DUSP11: variants seen among roughly 807,000 people sequenced by gnomAD.
The protein encoded by DUSP11 is RNA/RNP complex-1-interacting phosphatase.
In DUSP11, 27 loss-of-function variants were observed where a neutral mutation model predicts 41.4. The observed-to-expected ratio is 0.65, with a 90% CI of 0.48 to 0.90. The LOEUF is 0.90. Among genes scored for constraint, DUSP11 ranks in the 40% least tolerant of loss-of-function variants. The probability of loss-of-function intolerance (pLI) is 0.00; values close to 1 mark genes in which losing one functional copy is unlikely to be tolerated. For synonymous variants in DUSP11, 188 were observed against 159.3 expected, an observed-to-expected ratio of 1.18 and a Z score of -1.35; for missense variants, 465 against 461.1, an observed-to-expected ratio of 1.01 and a Z score of -0.08.
intron 4 of DUSP11, among the ~76,000 whole-genome samples, chr2:73,770,315 G>C (rs1411757531): frequency 6.6e-6 from 1 of 151,918 alleles, no homozygotes; most frequent in Non-Finnish European, 1.5e-5. Context: ...AGGAGTTCGA[G>C]ACCAGCCTGG....
chr2:73,778,423 TCCTTGCA>T, intron 1 of DUSP11, 47 bp from the exon 2 acceptor site: 1 of 1,269,664 alleles, frequency 7.9e-7, no homozygotes, highest in Non-Finnish European at 1.1e-6. Context: ...TAGCCTTGTT[TCCTTGCA>T]CAAAATAAGA....
In DUSP11 at chr2:73,768,399, G is replaced by A. The variant is rs190132909; in HGVS notation, c.635+866C>T. ...TCTCTTTGCTAACACGCAGCACACT[G>A]CTTACACATAATAGATGCTCAGGAG... is the stretch of plus-strand genomic sequence containing the variant. On this transcript the variant is annotated intron_variant, in intron 5 of 8. Transcript: ENST00000272444. 65 of 960,206 alleles carry A rather than the reference G, an allele frequency of 6.8e-5. 1 individual carries two copies. The East Asian group carries it at 3.6e-3, about 53-fold the overall frequency. The allele number at this position is 960,206 out of a possible 1,614,324, so 59.5% of individuals were successfully genotyped here. A position where few individuals can be genotyped will look rare whatever the true frequency, so the allele number is the denominator to read the frequency against.
At position 73,771,602 on chromosome 2, in the gene DUSP11, C is replaced by T. The variant is rs372460021; in HGVS notation, c.574+2198G>A. Among the ~76,000 whole-genome samples, 648 of 146,442 alleles carry T rather than the reference C, an allele frequency of 4.4e-3. 7 individuals are homozygous for T. Among genetic ancestry groups the T allele is most frequent in the African/African-American group, 0.016 (618 of 39,850 alleles). ...TCCGCCTCCCAGGTTCACGCCATTC[C>T]CCTGCCTCAGCCTCCCGAGTAGCTG... On this transcript the variant is annotated intron_variant, in intron 4 of 8. Coordinates refer to ENST00000272444, the Ensembl canonical transcript of DUSP11.
chr2:73,769,244 C>G (rs371118499), intron 5 of DUSP11, 21 bp downstream of exon 5: 47 of 1,603,964 alleles, frequency 2.9e-5, no homozygotes, highest in Non-Finnish European at 3.9e-5. Flanking sequence ...AAATGGTCTG[C>G]CTCTGGGGTT....
At chr2:73,771,072 C>A (rs931811091) in intron 4 of DUSP11, among the ~76,000 whole-genome samples, 1 of 152,166 alleles carries the variant, frequency 6.6e-6, no homozygotes, top group Non-Finnish European at 1.5e-5. Flanking sequence ...CACCTCTTCC[C>A]TCATCCCTTT....
chr2:73,777,135 C>T (rs535110295), intron 2 of DUSP11, among the ~76,000 whole-genome samples: 6 of 152,204 alleles, frequency 3.9e-5, no homozygotes, highest in African/African-American at 1.2e-4. Flanking sequence ...CACACGCCAC[C>T]GCGCCTGGTT....
intron 4 of DUSP11, among the ~76,000 whole-genome samples, chr2:73,771,882 G>A (rs1416023099): frequency 4.1e-5 from 6 of 147,954 alleles, no homozygotes; most frequent in South Asian, 4.3e-4. Flanking sequence ...GTGCAGTGGC[G>A]CCATCTCCGC....
chr2:73,769,331 A>G lies in DUSP11; in HGVS notation c.575-6T>C, dbSNP rs746809528. The G allele has an allele frequency of 5.6e-6, 9 of 1,604,448 alleles. No individual in the cohort carries two copies. Among genetic ancestry groups the G allele is most frequent in the South Asian group, 1.1e-5 (1 of 90,458 alleles). On this transcript the variant is annotated splice_region_variant and splice_polypyrimidine_tract_variant and intron_variant, in intron 4 of 8. Coordinates refer to ENST00000272444, the Ensembl canonical transcript of DUSP11. ...GTGGACACCAATAAGTTTATCTATA[A>G]AAAGAAAATACAGGGTTAAGTAACT...
intron 3 of DUSP11, among the ~76,000 whole-genome samples, chr2:73,774,239 C>T (rs959710578): frequency 2.6e-5 from 4 of 152,064 alleles, no homozygotes; most frequent in African/African-American, 9.7e-5. Flanking sequence ...ATTCAAGGGC[C>T]AGTGCCTTCA....
chr2:73,769,816 C>G (rs927404735), intron 4 of DUSP11, among the ~76,000 whole-genome samples: 1 of 152,162 alleles, frequency 6.6e-6, no homozygotes, highest in East Asian at 1.9e-4. Context: ...CTGTGAAGTA[C>G]TCAGGTAAAT....
At chr2:73,779,700 G>C in intron 1 of DUSP11, 174 bp downstream of exon 1, 1 of 932,332 alleles carries the variant, frequency 1.1e-6, no homozygotes, top group Non-Finnish European at 1.6e-6. Flanking sequence ...GGACATCACA[G>C]ACATCGCCCC....
At chr2:73,773,724 A>T (rs1258560332) in intron 4 of DUSP11, 76 bp downstream of exon 4, 3 of 1,430,608 alleles carry the variant, frequency 2.1e-6, no homozygotes, top group Non-Finnish European at 2.8e-6. Context: ...CTGAGGTTGG[A>T]ACTATAAAAA....
At chr2:73,763,413 CT>C (rs1446684871) in intron 8 of DUSP11, among the ~76,000 whole-genome samples, 2 of 152,170 alleles carry the variant, frequency 1.3e-5, no homozygotes, top group African/African-American at 4.8e-5. Flanking sequence ...ACCAGAAAAT[CT>C]CATATAATTA....
At chr2:73,776,643 T>G (rs1406963969) in intron 2 of DUSP11, among the ~76,000 whole-genome samples, 1 of 152,192 alleles carries the variant, frequency 6.6e-6, no homozygotes, top group Admixed American at 6.5e-5. Flanking sequence ...TGATTCATTC[T>G]ATGTTATGCA....
At chr2:73,775,123 T>C (rs1672653559) in intron 2 of DUSP11, 79 bp from the exon 3 acceptor site, 7 of 1,218,434 alleles carry the variant, frequency 5.7e-6, no homozygotes, top group Non-Finnish European at 6.8e-6. Flanking sequence ...AGTCCTGTGA[T>C]GCTAACATAC....
exon 4 of DUSP11, chr2:73,773,805 T>C (rs1488059853): frequency 6.2e-7 from 1 of 1,605,598 alleles, no homozygotes; most frequent in Non-Finnish European, 8.5e-7. Context: ...CTCACCATTA[T>C]CTTTATTTTC....
exon 9 of DUSP11, chr2:73,762,496 G>T (rs1672384031): frequency 2.3e-6 from 1 of 430,650 alleles, no homozygotes. Context: ...TGTAATTACT[G>T]CAAATTTATC....
At chr2:73,762,781 G>C in exon 9 of DUSP11, 1 of 1,613,456 alleles carries the variant, frequency 6.2e-7, no homozygotes, top group Non-Finnish European at 8.5e-7. Flanking sequence ...AATACCTCCT[G>C]TGTGAATAGT....
At chr2:73,765,187 C>A (rs1672435354) in intron 8 of DUSP11, among the ~76,000 whole-genome samples, 1 of 152,024 alleles carries the variant, frequency 6.6e-6, no homozygotes, top group East Asian at 1.9e-4. Flanking sequence ...TGCGTAGGTA[C>A]CATCCAATAG....
Sources: allele counts gnomAD v4.1 joint callset (sites outside exome capture counted in the v4.1 genomes callset), GRCh38; gene constraint gnomAD v4.1.1; transcripts MANE v1.5; gene names NCBI Gene and HGNC (gene_info 2026-07-23, HGNC 2026-07-21).